The following ANGPT1 variants were observed in gnomAD, a reference collection of about 807,000 sequenced individuals.
ANGPT1 encodes the protein angiopoietin 1.
Under a neutral mutation model 62.2 loss-of-function variants are expected in ANGPT1, and 17 were observed. The observed-to-expected ratio is 0.27, with a 90% CI of 0.19 to 0.41. The LOEUF (loss-of-function observed/expected upper bound fraction) is 0.41. ANGPT1 is among the 10% of genes least tolerant of loss of function. The pLI, the probability that ANGPT1 is intolerant of heterozygous loss-of-function variation, is 1.00. For missense variants in ANGPT1, 478 were observed against 594.9 expected, an observed-to-expected ratio of 0.80 and a Z score of 2.04; for synonymous variants, 199 against 198.9, an observed-to-expected ratio of 1.00 and a Z score of 0.00.
intron 8 of ANGPT1, among the ~76,000 whole-genome samples, chr8:107,257,170 T>G (rs910790991): frequency 1.3e-5 from 2 of 152,236 alleles, no homozygotes; most frequent in Non-Finnish European, 2.9e-5. Flanking sequence ...TCAAATGTCT[T>G]AAGGTTGGCA....
intron 1 of ANGPT1, among the ~76,000 whole-genome samples, chr8:107,394,416 G>A (rs1816894931): frequency 6.6e-6 from 1 of 152,172 alleles, no homozygotes; most frequent in Non-Finnish European, 1.5e-5. Flanking sequence ...CTCAGTTCCA[G>A]ACAGAAGGCC....
intron 1 of ANGPT1, among the ~76,000 whole-genome samples, chr8:107,364,820 G>T (rs1330535510): frequency 1.3e-5 from 2 of 152,170 alleles, no homozygotes; most frequent in Non-Finnish European, 2.9e-5. Context: ...CTGTAATTAT[G>T]ATTTCAATGA....
chr8:107,421,809 T>G (rs1810903291), intron 1 of ANGPT1, among the ~76,000 whole-genome samples: 1 of 152,220 alleles, frequency 6.6e-6, no homozygotes, highest in South Asian at 2.1e-4. Flanking sequence ...CTTATCATTT[T>G]ATTATAATTT....
intron 4 of ANGPT1, among the ~76,000 whole-genome samples, chr8:107,303,701 T>C (rs954330310): frequency 6.6e-6 from 1 of 151,836 alleles, no homozygotes; most frequent in African/African-American, 2.4e-5. Context: ...TGGTAGCAAT[T>C]ACGTCAAGTT....
intron 1 of ANGPT1, among the ~76,000 whole-genome samples, chr8:107,375,983 A>G (rs887112091): frequency 2.0e-5 from 3 of 152,202 alleles, no homozygotes; most frequent in African/African-American, 7.2e-5. Flanking sequence ...GAAAGGGCCT[A>G]TGGGAAGAGA....
chr8:107,316,454 C>T (rs983158818), intron 4 of ANGPT1, among the ~76,000 whole-genome samples: 2 of 152,078 alleles, frequency 1.3e-5, no homozygotes, highest in African/African-American at 4.8e-5. Flanking sequence ...AGTGTTGTTA[C>T]CAGAATTAAA....
intron 1 of ANGPT1, among the ~76,000 whole-genome samples, chr8:107,430,756 G>T: frequency 6.6e-6 from 1 of 152,178 alleles, no homozygotes; most frequent in East Asian, 1.9e-4. Flanking sequence ...AAAAGACAAA[G>T]AAATCTATTC....
intron 3 of ANGPT1, among the ~76,000 whole-genome samples, chr8:107,332,980 G>A (rs929934822): frequency 3.3e-5 from 5 of 152,174 alleles, no homozygotes; most frequent in African/African-American, 1.2e-4. Flanking sequence ...CTTCATGCTT[G>A]ACTTTGAACC....
At chr8:107,395,445 T>C (rs940020706) in intron 1 of ANGPT1, among the ~76,000 whole-genome samples, 1 of 152,200 alleles carries the variant, frequency 6.6e-6, no homozygotes, top group Non-Finnish European at 1.5e-5. Context: ...TGTATTACAC[T>C]AGGCCATATA....
intron 6 of ANGPT1, among the ~76,000 whole-genome samples, chr8:107,287,038 T>A (rs949727077): frequency 6.6e-6 from 1 of 152,170 alleles, no homozygotes; most frequent in Admixed American, 6.6e-5. Context: ...TTTCCTTGCA[T>A]TTTTTTGCAG....
chr8:107,465,908 A>G (rs150594822), intron 1 of ANGPT1, among the ~76,000 whole-genome samples: 1 of 152,236 alleles, frequency 6.6e-6, no homozygotes, highest in Non-Finnish European at 1.5e-5. Context: ...AATTTAACAT[A>G]TTGCTAGGAG....
intron 4 of ANGPT1, among the ~76,000 whole-genome samples, chr8:107,308,613 T>C (rs1407141497): frequency 2.0e-5 from 3 of 152,040 alleles, no homozygotes; most frequent in African/African-American, 7.2e-5. Flanking sequence ...TGAAAGAATA[T>C]AACATATAGA....
intron 1 of ANGPT1, among the ~76,000 whole-genome samples, chr8:107,415,188 T>C (rs114878062): frequency 1.1e-3 from 165 of 152,270 alleles, no homozygotes; most frequent in African/African-American, 3.8e-3. Context: ...ACCATGATTA[T>C]ATGGTAAAGT....
intron 7 of ANGPT1, among the ~76,000 whole-genome samples, chr8:107,270,154 T>C (rs1813705296): frequency 6.6e-6 from 1 of 152,064 alleles, no homozygotes; most frequent in South Asian, 2.1e-4. Flanking sequence ...TTCTTACTAA[T>C]TTTCTCTACT....
chr8:107,497,272 C>T lies in ANGPT1; in HGVS notation c.287G>A (p.Trp96Ter). The T allele has an allele frequency of 6.2e-7, 1 of 1,612,796 alleles. No individual in the cohort carries two copies. The highest frequency in any genetic ancestry group is 8.5e-7 in the Non-Finnish European group (1 of 1,179,302). ...LEHVMENYTQ[W>*]LQKLENYIVE... ...AAAGCAATCACTTACTTTTTGCAGC[C>T]ACTGAGTATAATTTTCCATCACATG... The change falls in exon 1 of 9, where the codon TGG (tryptophan) becomes TAG (stop). Residue 96 changes from tryptophan (W) to a stop codon, truncating the protein, a stop_gained. Transcript: ENST00000517746. LOFTEE classifies it high-confidence loss of function.
chr8:107,273,504 T>A (rs914769063), intron 7 of ANGPT1, among the ~76,000 whole-genome samples: 2 of 151,946 alleles, frequency 1.3e-5, no homozygotes, highest in Non-Finnish European at 2.9e-5. Flanking sequence ...AGCCCTCTGT[T>A]ATATGTAGCA....
chr8:107,431,176 G>C (rs7816817), intron 1 of ANGPT1, among the ~76,000 whole-genome samples: 59,530 of 152,070 alleles, frequency 0.39, 11,883 homozygotes, highest in Middle Eastern at 0.5. Flanking sequence ...GAGACAGTGT[G>C]TGTGTGTTTA....
At chr8:107,365,271 A>G (rs1816248544) in intron 1 of ANGPT1, among the ~76,000 whole-genome samples, 1 of 152,216 alleles carries the variant, frequency 6.6e-6, no homozygotes, top group Non-Finnish European at 1.5e-5. Context: ...CATATGGTTC[A>G]CTACCGGAAA....
intron 1 of ANGPT1, among the ~76,000 whole-genome samples, chr8:107,419,168 G>A (rs1335789926): frequency 6.6e-6 from 1 of 152,068 alleles, no homozygotes; most frequent in African/African-American, 2.4e-5. Flanking sequence ...AGGACTCAGT[G>A]AAACTCCTAT....
Sources: gnomAD v4.1 joint callset for allele counts (sites outside exome capture counted in the v4.1 genomes callset) on GRCh38, gnomAD v4.1.1 for gene constraint, MANE v1.5 for transcripts, NCBI Gene and HGNC (gene_info 2026-07-23, HGNC 2026-07-21) for gene names.